RAB3C: variants seen among roughly 807,000 people sequenced by gnomAD.
RAB3C encodes ras-related protein Rab-3C.
In RAB3C, 17 loss-of-function variants were observed where a neutral mutation model predicts 26.4. That is an observed-to-expected ratio of 0.64 (90% CI 0.44 to 0.97). The LOEUF is 0.97. Among genes scored for constraint, RAB3C ranks in the 50% least tolerant of loss-of-function variants. The pLI is 0.00. For synonymous variants in RAB3C, 91 were observed against 95.9 expected, an observed-to-expected ratio of 0.95 and a Z score of 0.30; for missense variants, 242 against 281.9, an observed-to-expected ratio of 0.86 and a Z score of 1.01.
chr5:58,782,078 T>A (rs1199866837), intron 3 of RAB3C, among the ~76,000 whole-genome samples: 1 of 152,166 alleles, frequency 6.6e-6, no homozygotes, highest in Non-Finnish European at 1.5e-5. Flanking sequence ...GTGTTTTACG[T>A]GTATTTGCAT....
At chr5:58,784,618 G>C (rs998283752) in intron 3 of RAB3C, 12 of 57,342 alleles carry the variant, frequency 2.1e-4, no homozygotes, top group African/African-American at 9.5e-4. Flanking sequence ...ACCAATAAAT[G>C]ATCTTGCTCT....
intron 2 of RAB3C, among the ~76,000 whole-genome samples, chr5:58,641,697 A>G (rs1306679608): frequency 1.3e-5 from 2 of 152,198 alleles, no homozygotes; most frequent in South Asian, 4.1e-4. Flanking sequence ...TCAGGGCTGC[A>G]GGTTTCAGGA....
At chr5:58,713,780 T>C (rs1749113515) in intron 2 of RAB3C, among the ~76,000 whole-genome samples, 1 of 152,262 alleles carries the variant, frequency 6.6e-6, no homozygotes, top group South Asian at 2.1e-4. Flanking sequence ...ATTAACCAAG[T>C]ATTCATTGAT....
In RAB3C at chr5:58,662,280, G is replaced by A. The variant is rs116157377; in HGVS notation, c.252+44410G>A. Among the ~76,000 whole-genome samples, 716 of 150,110 alleles carry A rather than the reference G, an allele frequency of 4.8e-3. 67 individuals are homozygous for A. The highest frequency in any genetic ancestry group is 0.017 in the African/African-American group (673 of 39,500). Reference sequence around the variant, plus strand: ...GTCAGAGCCCATGGAGACAGGAAAGGAGGCGGCAGAAATAGAGGGGTGTGC... The same window carrying A: ...GTCAGAGCCCATGGAGACAGGAAAGAAGGCGGCAGAAATAGAGGGGTGTGC... On this transcript the variant is annotated intron_variant, in intron 2 of 4. Coordinates refer to ENST00000282878, the MANE Select transcript of RAB3C (RefSeq NM_138453.4).
intron 4 of RAB3C, among the ~76,000 whole-genome samples, chr5:58,846,088 G>T (rs1454690626): frequency 6.6e-6 from 1 of 152,076 alleles, no homozygotes; most frequent in Non-Finnish European, 1.5e-5. Flanking sequence ...TGTCCTCAAG[G>T]TTCATTCATG....
chr5:58,634,878 C>CT (rs1747256364), intron 2 of RAB3C, among the ~76,000 whole-genome samples: 1 of 152,136 alleles, frequency 6.6e-6, no homozygotes, highest in Non-Finnish European at 1.5e-5. Context: ...TGCTGATCCT[C>CT]TTCGCAGAAG....
chr5:58,587,824 C>G (rs949281849), intron 1 of RAB3C, among the ~76,000 whole-genome samples: 2 of 152,044 alleles, frequency 1.3e-5, no homozygotes, highest in African/African-American at 4.8e-5. Flanking sequence ...TCCTGTGTCT[C>G]CTCTCTCCCT....
intron 3 of RAB3C, among the ~76,000 whole-genome samples, chr5:58,787,404 A>G (rs1156878089): frequency 1.3e-5 from 2 of 152,206 alleles, no homozygotes; most frequent in Non-Finnish European, 2.9e-5. Context: ...ATACAGAAAA[A>G]TGTTAAGGGA....
At chr5:58,759,228 TTA>T (rs1361441128) in intron 3 of RAB3C, among the ~76,000 whole-genome samples, 3 of 152,120 alleles carry the variant, frequency 2.0e-5, no homozygotes, top group Non-Finnish European at 4.4e-5. Flanking sequence ...CTGAGGGAGA[TTA>T]TAGAAGGAGT....
intron 3 of RAB3C, among the ~76,000 whole-genome samples, chr5:58,811,918 A>C (rs1013923237): frequency 5.3e-5 from 8 of 151,564 alleles, no homozygotes; most frequent in African/African-American, 1.9e-4. Flanking sequence ...AGCCCCATTC[A>C]AGTACCCATG....
chr5:58,694,129 C>A (rs1440687872), intron 2 of RAB3C, among the ~76,000 whole-genome samples: 1 of 152,096 alleles, frequency 6.6e-6, no homozygotes, highest in Non-Finnish European at 1.5e-5. Flanking sequence ...GTTCCCTGCC[C>A]TGTGTCCAAG....
At chr5:58,821,706 C>T (rs928706177) in intron 3 of RAB3C, among the ~76,000 whole-genome samples, 1 of 152,220 alleles carries the variant, frequency 6.6e-6, no homozygotes, top group East Asian at 1.9e-4. Flanking sequence ...ATATATTTCC[C>T]CAGATAATTT....
chr5:58,729,894 T>C (rs185627389), intron 3 of RAB3C, among the ~76,000 whole-genome samples: 4,510 of 144,638 alleles, frequency 0.031, 140 homozygotes, highest in Non-Finnish European at 0.048. Flanking sequence ...CATATACATA[T>C]ACTATATGTA....
chr5:58,798,411 G>A (rs149158613), intron 3 of RAB3C, among the ~76,000 whole-genome samples: 9 of 152,230 alleles, frequency 5.9e-5, no homozygotes, highest in South Asian at 2.1e-4. Context: ...GATATGCCTC[G>A]TGATGGTTTG....
At chr5:58,595,614 T>C (rs1052304306) in intron 1 of RAB3C, among the ~76,000 whole-genome samples, 8 of 152,120 alleles carry the variant, frequency 5.3e-5, no homozygotes, top group African/African-American at 1.9e-4. Context: ...ATATGAAGTG[T>C]TTGAAAAAAT....
At chr5:58,676,825 A>T (rs921788899) in intron 2 of RAB3C, among the ~76,000 whole-genome samples, 3 of 152,054 alleles carry the variant, frequency 2.0e-5, no homozygotes, top group African/African-American at 4.8e-5. Context: ...GACTTTTTTT[A>T]AAAAAAGTTT....
At chr5:58,844,369 T>A (rs1478623494) in intron 4 of RAB3C, among the ~76,000 whole-genome samples, 1 of 152,218 alleles carries the variant, frequency 6.6e-6, no homozygotes, top group Non-Finnish European at 1.5e-5. Flanking sequence ...AAATACCATT[T>A]TTTTAGTAGC....
intron 2 of RAB3C, among the ~76,000 whole-genome samples, chr5:58,663,399 C>T (rs1747943823): frequency 6.7e-6 from 1 of 150,168 alleles, no homozygotes; most frequent in South Asian, 2.1e-4. Flanking sequence ...CTTGGGCAGA[C>T]ATTCTGTCCT....
intron 2 of RAB3C, among the ~76,000 whole-genome samples, chr5:58,624,142 G>A (rs1045524321): frequency 1.3e-5 from 2 of 152,054 alleles, no homozygotes; most frequent in Non-Finnish European, 2.9e-5. Context: ...TGTGTGCCAG[G>A]CACTGTGCCA....
Sources: allele counts gnomAD v4.1 joint callset (sites outside exome capture counted in the v4.1 genomes callset), GRCh38; gene constraint gnomAD v4.1.1; transcripts MANE v1.5; gene names NCBI Gene and HGNC (gene_info 2026-07-23, HGNC 2026-07-21).